TECPR1: variants seen among roughly 807,000 people sequenced by gnomAD.
TECPR1 encodes the protein tectonin beta-propeller repeat containing 1.
Under a neutral mutation model 162.4 loss-of-function variants are expected in TECPR1, and 122 were observed. The ratio of observed to expected loss-of-function variants is 0.75; its 90% CI spans 0.65 to 0.87. The LOEUF is 0.87. Ranked by LOEUF, TECPR1 falls within the 40% of genes least tolerant of loss-of-function variation. The pLI is 0.00. For missense variants in TECPR1, 1,432 were observed against 1,618.2 expected, an observed-to-expected ratio of 0.88 and a Z score of 1.97; for synonymous variants, 642 against 670.6, an observed-to-expected ratio of 0.96 and a Z score of 0.66.
In TECPR1 at chr7:98,246,032, T is replaced by G. The variant is rs1408108549; in HGVS notation, c.115A>C (p.Ser39Arg). 6.3e-7 allele frequency: 1 copy of G among 1,590,030 alleles called. No individual in the cohort carries two copies. Residue 39 changes from serine to arginine, a missense_variant, in exon 3 of 26, where the codon AGC (serine) becomes CGC (arginine). Coordinates refer to ENST00000447648, the MANE Select transcript of TECPR1 (RefSeq NM_015395.3). ...KDSQLEFKRV[S>R]ATTQCCWGIA... Reference sequence around the variant, plus strand: ...CCCCAGCAGCACTGCGTGGTGGCGCTGACGCGCTTGAACTCCAGCTGGGAG... The same window carrying G: ...CCCCAGCAGCACTGCGTGGTGGCGCGGACGCGCTTGAACTCCAGCTGGGAG...
At chr7:98,227,264 C>T (rs569728522) in intron 17 of TECPR1, among the ~76,000 whole-genome samples, 115 of 151,100 alleles carry the variant, frequency 7.6e-4, no homozygotes, top group Middle Eastern at 3.4e-3. Context: ...TGGTGGAGCG[C>T]GCCTGTAATC....
intron 5 of TECPR1, 107 bp downstream of exon 5, chr7:98,244,464 G>A (rs956328445): frequency 2.3e-5 from 33 of 1,430,348 alleles, no homozygotes; most frequent in Non-Finnish European, 3.1e-5. Flanking sequence ...CCCGAGGTGG[G>A]CGTGGTGTCC....
intron 17 of TECPR1, 108 bp from the exon 18 acceptor site, chr7:98,225,210 G>T: frequency 9.6e-7 from 1 of 1,036,578 alleles, no homozygotes; most frequent in Non-Finnish European, 1.4e-6. Context: ...CAGTCTCAGA[G>T]CCAGCCACCT....
chr7:98,250,478 TA>T (rs543946757), intron 2 of TECPR1, among the ~76,000 whole-genome samples: 11 of 148,948 alleles, frequency 7.4e-5, no homozygotes, highest in Admixed American at 6.0e-4. Flanking sequence ...AATAAAAAGT[TA>T]AAAAAAAAAT....
In TECPR1 at chr7:98,249,778, G is replaced by A. The variant is rs193029706; in HGVS notation, c.-20+1616C>T. ...CAGCCTGGCCAACACGGTGAAACCC[G>A]TCTCTACTAAAACTACAAAAATTAG... On this transcript the variant is annotated intron_variant, in intron 2 of 25. Coordinates refer to ENST00000447648, the MANE Select transcript of TECPR1 (RefSeq NM_015395.3). 8.4e-3 allele frequency among the ~76,000 whole-genome samples: 1,279 copies of A among 152,156 alleles called. 82 individuals carry two copies. Among genetic ancestry groups the A allele is most frequent in the Admixed American group, 0.078 (1,194 of 15,270 alleles).
At position 98,223,010 on chromosome 7, in the gene TECPR1, C is replaced by T. The variant is rs376386211; in HGVS notation, c.2908G>A (p.Val970Met). The T allele has an allele frequency of 4.3e-6, 7 of 1,611,796 alleles. No individual in the cohort carries two copies. The highest frequency in any genetic ancestry group is 1.3e-5 in the African/African-American group (1 of 74,904). The part of the protein sequence containing the change: ...DKGDVLCRLG[V>M]SELNPAGSSW... ...CTCACCGCAGGGTTGAGCTCCGACA[C>T]GCCCAGGCGGCACAGCACATCCCCC... The change falls in exon 21 of 26, where the codon GTG becomes ATG. Residue 970 changes from valine to methionine, a missense_variant. Val to Met is a conservative substitution (Grantham distance 21). Coordinates refer to ENST00000447648, the MANE Select transcript of TECPR1 (RefSeq NM_015395.3).
chr7:98,251,011 T>G (rs1799051192), intron 2 of TECPR1: 2 of 152,146 alleles, frequency 1.3e-5, no homozygotes, highest in Non-Finnish European at 2.9e-5. Flanking sequence ...TAGCTCCTCA[T>G]GGGCCACTTT....
rs761560296 is a variant in TECPR1 at position 98,244,559 on chromosome 7, A to G, written c.531+12T>C. 2.5e-6 allele frequency: 4 copies of G among 1,599,260 alleles called. No individual in the cohort carries two copies. ...CCTATCCTGCCCCCAACCCACATTC[A>G]GGAACAGAGACCTTGGCCCAGATGT... On this transcript the variant is annotated intron_variant, in intron 5 of 25. Coordinates refer to ENST00000447648, the MANE Select transcript of TECPR1 (RefSeq NM_015395.3).
chr7:98,217,067 G>T lies in TECPR1; in HGVS notation c.*323C>A. ...GGCCGGCGTTCCCGGAGGGCTCCAG[G>T]TTCCCGGTTCTAGTCCTGGAAAGGC... is the stretch of plus-strand genomic sequence containing the variant. On this transcript the variant is annotated 3_prime_UTR_variant, in exon 26 of 26. Transcript: ENST00000447648. The T allele has an allele frequency of 7.4e-6, 2 of 270,548 alleles. No individual in the cohort carries two copies. The highest frequency in any genetic ancestry group is 1.4e-5 in the Non-Finnish European group (2 of 142,936). 16.8% of individuals were successfully genotyped at this position (270,548 alleles called of 1,614,324 possible).
At chr7:98,218,991 C>T (rs1339481864) in intron 23 of TECPR1, among the ~76,000 whole-genome samples, 2 of 152,206 alleles carry the variant, frequency 1.3e-5, no homozygotes, top group Non-Finnish European at 2.9e-5. Context: ...TCAAATTATA[C>T]TACAAGCCTA....
At chr7:98,251,618 A>G (rs1799064975) in intron 1 of TECPR1, 70 bp from the exon 2 acceptor site, 2 of 152,314 alleles carry the variant, frequency 1.3e-5, no homozygotes, top group African/African-American at 4.8e-5. Flanking sequence ...GGGTCCGCCC[A>G]GCCCCACCGG....
Position 98,241,104 on chromosome 7 carries a change from C to G in TECPR1, c.798G>C (p.Leu266=). The change falls in exon 7 of 26, where the codon CTG becomes CTC. Residue 266 remains leucine (L), a synonymous_variant. Transcript: ENST00000447648. This position sits in a 1 kb window ranked among gnomAD's most constrained non-coding sequence, Gnocchi z 5.0. ...TGCTCCTGTTGATTCCTTCCCGGAC[C>G]AGGGCCTGTCCCTCCCAGAGTGTGG... is the stretch of plus-strand genomic sequence containing the variant. ...LWATLWEGQA[L]VREGINRSNP... is the part of the protein sequence containing the mutation. 1 of 1,610,496 alleles carries G rather than the reference C, an allele frequency of 6.2e-7. No individual in the cohort carries two copies. The highest frequency in any genetic ancestry group is 1.1e-5 in the South Asian group (1 of 90,632).
chr7:98,227,458 A>C (rs1324135065), intron 17 of TECPR1, among the ~76,000 whole-genome samples: 2 of 152,060 alleles, frequency 1.3e-5, no homozygotes, highest in African/African-American at 4.8e-5. Context: ...TGGTGCTTGA[A>C]TCAGGAACAG....
intron 4 of TECPR1, 29 bp from the exon 5 acceptor site, chr7:98,244,722 C>G: frequency 6.3e-7 from 1 of 1,597,266 alleles, no homozygotes; most frequent in Non-Finnish European, 8.6e-7. Context: ...GGCTCTCAGG[C>G]TCTGCGGGGA....
chr7:98,247,870 G>C (rs949110865), intron 2 of TECPR1, among the ~76,000 whole-genome samples: 5 of 152,096 alleles, frequency 3.3e-5, no homozygotes, highest in African/African-American at 1.2e-4. Flanking sequence ...CTACAGGCAT[G>C]TGCCACCGTA....
rs765230631 is a variant in TECPR1, at chr7:98,233,644, G to A, written c.1449C>T (p.Ala483=). ...NTHPGPAPTP[A]ELPWTNIDLK... is the part of the protein sequence containing the mutation. ...GGTCAATATTGGTCCAGGGCAGCTCGGCCGGGGTGGGGGCCGGGCCGGGGT... is the reference window on the plus strand; with the variant it reads ...GGTCAATATTGGTCCAGGGCAGCTCAGCCGGGGTGGGGGCCGGGCCGGGGT... Residue 483 remains alanine, a synonymous_variant, in exon 11 of 26, where the codon GCC becomes GCT. Transcript: ENST00000447648. The A allele has an allele frequency of 5.7e-6, 9 of 1,591,344 alleles. No individual in the cohort carries two copies. The highest frequency in any genetic ancestry group is 2.2e-5 in the East Asian group (1 of 44,592).
intron 2 of TECPR1, among the ~76,000 whole-genome samples, chr7:98,248,802 C>T (rs1385821321): frequency 2.6e-5 from 4 of 151,404 alleles, no homozygotes; most frequent in African/African-American, 9.7e-5. Context: ...GCCGAGATTG[C>T]ACCACTGCAC....
intron 21 of TECPR1, 187 bp from the exon 22 acceptor site, chr7:98,222,708 T>C: frequency 2.3e-6 from 2 of 858,856 alleles, no homozygotes; most frequent in South Asian, 1.7e-5. Flanking sequence ...CTCATCCTCC[T>C]GCGAGCAGGG....
At chr7:98,242,931 C>CCCACCCAT (rs1562943833) in intron 6 of TECPR1, among the ~76,000 whole-genome samples, 1 of 10,214 alleles carries the variant, frequency 9.8e-5, no homozygotes, top group Non-Finnish European at 4.7e-4. Context: ...CACCCATCCG[C>CCCACCCAT]CCATCCACAC....
Sources: gnomAD v4.1 joint callset for allele counts (sites outside exome capture counted in the v4.1 genomes callset) on GRCh38, gnomAD v4.1.1 for gene constraint, Gnocchi (gnomAD v3.1) non-coding constraint, MANE v1.5 for transcripts, NCBI Gene and HGNC (gene_info 2026-07-23, HGNC 2026-07-21) for gene names.